The following NLK variants were observed in gnomAD, a reference collection of about 807,000 sequenced individuals.
NLK encodes serine/threonine-protein kinase NLK.
Under a neutral mutation model 59.0 loss-of-function variants are expected in NLK, and 11 were observed. The observed-to-expected ratio is 0.19, with a 90% CI of 0.12 to 0.31. The LOEUF is 0.31. Among genes scored for constraint, NLK ranks in the 10% least tolerant of loss-of-function variants. The probability of loss-of-function intolerance (pLI) is 1.00; values close to 1 mark genes in which losing one functional copy is unlikely to be tolerated. For missense variants in NLK, 410 were observed against 661.1 expected, an observed-to-expected ratio of 0.62 and a Z score of 4.16; for synonymous variants, 235 against 235.9, an observed-to-expected ratio of 1.00 and a Z score of 0.03.
At chr17:28,192,739 A>AT (rs1909353437) in intron 10 of NLK, among the ~76,000 whole-genome samples, 1 of 151,754 alleles carries the variant, frequency 6.6e-6, no homozygotes, top group Non-Finnish European at 1.5e-5. Context: ...TGCTTTGGCA[A>AT]TTTTTTCCCC....
chr17:28,067,125 C>T (rs778803897), intron 1 of NLK, among the ~76,000 whole-genome samples: 8 of 152,104 alleles, frequency 5.3e-5, no homozygotes, highest in South Asian at 4.1e-4. Context: ...TCCACTTTTT[C>T]TTTTCAGATC....
downstream of NLK, among the ~76,000 whole-genome samples, chr17:28,200,350 T>C (rs1909598104): frequency 6.6e-6 from 1 of 152,198 alleles, no homozygotes; most frequent in African/African-American, 2.4e-5. Flanking sequence ...GATGTTTAGG[T>C]TGAAGTTCTC....
rs140098742 is a variant in NLK at position 28,174,447 on chromosome 17, A to G, written c.1149+1829A>G. 3.4e-3 allele frequency among the ~76,000 whole-genome samples: 511 copies of G among 152,186 alleles called. 3 individuals carry two copies. The highest frequency in any genetic ancestry group is 0.012 in the African/African-American group (480 of 41,526). ...CCCTTTCCAGTCTTGGTGTCGGCAT[A>G]TTTTGATTTTGAAGAGAAGACTGGT... On this transcript the variant is annotated intron_variant, in intron 7 of 10. Coordinates refer to ENST00000407008, the MANE Select transcript of NLK (RefSeq NM_016231.5).
chr17:28,088,430 T>C (rs1904359782), intron 1 of NLK, among the ~76,000 whole-genome samples: 1 of 152,234 alleles, frequency 6.6e-6, no homozygotes, highest in Non-Finnish European at 1.5e-5. Context: ...CATTTTCTAT[T>C]TGATTACTTG....
At chr17:28,168,038 A>C (rs1381244810) in intron 5 of NLK, among the ~76,000 whole-genome samples, 5 of 151,554 alleles carry the variant, frequency 3.3e-5, no homozygotes, top group Non-Finnish European at 7.4e-5. Context: ...AAAATGTTCC[A>C]GAGTGGCCGG....
rs1004171112 is a variant in NLK at position 28,080,180 on chromosome 17, C to T, written c.458+36849C>T. Among the ~76,000 whole-genome samples the T allele has an allele frequency of 7.2e-5, 11 of 152,050 alleles. No homozygotes were observed. In the East Asian group the frequency reaches 1.4e-3, roughly 19 times the overall value. On this transcript the variant is annotated intron_variant, in intron 1 of 10. Coordinates refer to ENST00000407008, the MANE Select transcript of NLK (RefSeq NM_016231.5). ...TAAAGAAGAGCTTCCAGTCAGGCACCGTCGCTCATGTCTGTAATCCTGGCA... is the reference window on the plus strand; with the variant it reads ...TAAAGAAGAGCTTCCAGTCAGGCACTGTCGCTCATGTCTGTAATCCTGGCA...
intron 1 of NLK, among the ~76,000 whole-genome samples, chr17:28,066,171 A>G (rs151209625): frequency 1.3e-5 from 2 of 152,268 alleles, no homozygotes; most frequent in Non-Finnish European, 2.9e-5. Flanking sequence ...CTTACCCTGT[A>G]AACTTACTGA....
chr17:28,159,633 A>G (rs1474822675), intron 3 of NLK, among the ~76,000 whole-genome samples: 1 of 152,210 alleles, frequency 6.6e-6, no homozygotes, highest in Non-Finnish European at 1.5e-5. Flanking sequence ...AACTTTCATT[A>G]TGAAGTAGAA....
chr17:28,043,450 A>G (rs943931911), intron 1 of NLK, 119 bp downstream of exon 1: 6 of 878,752 alleles, frequency 6.8e-6, no homozygotes, highest in African/African-American at 3.4e-5. Flanking sequence ...TCTCAACCCA[A>G]CTGTAGGAAG....
intron 1 of NLK, among the ~76,000 whole-genome samples, chr17:28,062,644 A>G (rs183399356): frequency 3.5e-4 from 54 of 152,226 alleles, no homozygotes; most frequent in African/African-American, 1.0e-3. Context: ...ACAGTGGTGC[A>G]GTCACAGCTC....
chr17:28,182,638 A>G (rs550345937), intron 7 of NLK, among the ~76,000 whole-genome samples: 1 of 152,314 alleles, frequency 6.6e-6, no homozygotes, highest in Admixed American at 6.5e-5. Context: ...CTTGAAAGTA[A>G]TGTAGTGTTG....
intron 8 of NLK, 34 bp from the exon 9 acceptor site, chr17:28,190,987 A>T: frequency 6.9e-7 from 1 of 1,444,300 alleles, no homozygotes. Flanking sequence ...TTTTATCTGT[A>T]GTGTTGATGT....
At chr17:28,100,469 G>A (rs1904866570) in intron 1 of NLK, among the ~76,000 whole-genome samples, 1 of 152,178 alleles carries the variant, frequency 6.6e-6, no homozygotes. Flanking sequence ...TGGCTGTGTA[G>A]TAGAATCTTA....
At chr17:28,073,166 A>G (rs1173013178) in intron 1 of NLK, among the ~76,000 whole-genome samples, 1 of 152,160 alleles carries the variant, frequency 6.6e-6, no homozygotes, top group Non-Finnish European at 1.5e-5. Flanking sequence ...CACAGTGGAG[A>G]CATATTTCTG....
intron 10 of NLK, among the ~76,000 whole-genome samples, chr17:28,193,915 G>C (rs960196527): frequency 2.0e-5 from 3 of 152,284 alleles, no homozygotes. Flanking sequence ...AGCAGCTTAG[G>C]TGCAAATGAT....
At chr17:28,119,748 A>G (rs1391095258) in intron 1 of NLK, among the ~76,000 whole-genome samples, 1 of 152,226 alleles carries the variant, frequency 6.6e-6, no homozygotes, top group Non-Finnish European at 1.5e-5. Context: ...GTAACTTTAT[A>G]GTGGAGAAGC....
chr17:28,182,852 G>T (rs1220279694), intron 7 of NLK, among the ~76,000 whole-genome samples: 1 of 152,154 alleles, frequency 6.6e-6, no homozygotes, highest in African/African-American at 2.4e-5. Flanking sequence ...TTCACAGATG[G>T]CTTTTTAAAT....
At chr17:28,057,512 C>A (rs543773697) in intron 1 of NLK, among the ~76,000 whole-genome samples, 81 of 152,246 alleles carry the variant, frequency 5.3e-4, no homozygotes, top group African/African-American at 1.7e-3. Flanking sequence ...ATGTACCAGT[C>A]AAAACTGAGC....
chr17:28,071,224 C>T (rs534826287), intron 1 of NLK, among the ~76,000 whole-genome samples: 4 of 152,154 alleles, frequency 2.6e-5, no homozygotes, highest in Admixed American at 6.5e-5. Context: ...AGTCAGATAG[C>T]GTAAGTCTTC....
Sources: allele counts gnomAD v4.1 joint callset (sites outside exome capture counted in the v4.1 genomes callset), GRCh38; gene constraint gnomAD v4.1.1; transcripts MANE v1.5; gene names NCBI Gene and HGNC (gene_info 2026-07-23, HGNC 2026-07-21).